GRID2: variants seen among roughly 807,000 people sequenced by gnomAD.
GRID2 encodes the protein glutamate receptor ionotropic, delta-2.
In GRID2, 33 loss-of-function variants were observed where a neutral mutation model predicts 114.8. The observed-to-expected ratio is 0.29, with a 90% CI of 0.22 to 0.38. GRID2 has a LOEUF of 0.38. GRID2 is among the 10% of genes least tolerant of loss of function. The pLI is 1.00. For synonymous variants in GRID2, 505 were observed against 449.9 expected, an observed-to-expected ratio of 1.12 and a Z score of -1.55; for missense variants, 1,184 against 1,257.7, an observed-to-expected ratio of 0.94 and a Z score of 0.89.
intron 1 of GRID2, among the ~76,000 whole-genome samples, chr4:92,581,476 C>T (rs1279762462): frequency 6.6e-6 from 1 of 152,024 alleles, no homozygotes; most frequent in Non-Finnish European, 1.5e-5. Context: ...TCAGACTTTT[C>T]CAGTGATAGT....
At chr4:93,722,910 A>G (rs1729509181) in intron 14 of GRID2, among the ~76,000 whole-genome samples, 2 of 152,208 alleles carry the variant, frequency 1.3e-5, no homozygotes, top group African/African-American at 4.8e-5. Flanking sequence ...AAAATTCTAA[A>G]CTTCTTCCAA....
At chr4:93,726,887 T>G (rs1729956214) in intron 14 of GRID2, among the ~76,000 whole-genome samples, 1 of 152,242 alleles carries the variant, frequency 6.6e-6, no homozygotes. Context: ...GATTTTGGGC[T>G]GAGACGATGG....
intron 14 of GRID2, among the ~76,000 whole-genome samples, chr4:93,677,564 GC>G (rs1401327991): frequency 6.6e-6 from 1 of 152,074 alleles, no homozygotes; most frequent in East Asian, 1.9e-4. Context: ...GCACGGCCGG[GC>G]ACTCCTCTGA....
At chr4:92,990,281 G>GTATATATATATATATATA (rs1424772351) in intron 2 of GRID2, among the ~76,000 whole-genome samples, 1 of 50,170 alleles carries the variant, frequency 2.0e-5, no homozygotes, top group African/African-American at 5.9e-5. Context: ...ACGTAGATAT[G>GTATATATATATATATATA]TGTGTGTATA....
rs150078037 is a variant in GRID2, at chr4:92,764,229, A to C, written c.244+173943A>C. ...CATGGTTGGAGGGAGGCTGGCAAAC[A>C]CATTCTTTAACCTAGCCATTTGTTT... On this transcript the variant is annotated intron_variant, in intron 2 of 15. Coordinates refer to ENST00000282020, the MANE Select transcript of GRID2 (RefSeq NM_001510.4). 1.7e-4 allele frequency among the ~76,000 whole-genome samples: 26 copies of C among 152,304 alleles called. No homozygotes were observed. In the East Asian group the frequency reaches 4.8e-3, roughly 28 times the overall value.
intron 8 of GRID2, among the ~76,000 whole-genome samples, chr4:93,328,562 A>T (rs1369262604): frequency 6.6e-6 from 1 of 152,186 alleles, no homozygotes; most frequent in East Asian, 1.9e-4. Flanking sequence ...CACAATCTAA[A>T]GCTATTACAT....
At chr4:92,901,328 G>A (rs1407804834) in intron 2 of GRID2, among the ~76,000 whole-genome samples, 5 of 152,122 alleles carry the variant, frequency 3.3e-5, no homozygotes, top group Non-Finnish European at 5.9e-5. Flanking sequence ...ATGGTAAGTG[G>A]TGCTGAGCAA....
chr4:92,586,938 C>T (rs888977066), intron 1 of GRID2, among the ~76,000 whole-genome samples: 1 of 151,698 alleles, frequency 6.6e-6, no homozygotes, highest in Non-Finnish European at 1.5e-5. Context: ...TTTATTTCTC[C>T]CCCCATAAAA....
At chr4:92,709,512 T>A (rs1735118379) in intron 2 of GRID2, among the ~76,000 whole-genome samples, 1 of 149,630 alleles carries the variant, frequency 6.7e-6, no homozygotes, top group Non-Finnish European at 1.5e-5. Flanking sequence ...AACGTTTGTG[T>A]CTGGCAAGTA....
chr4:93,768,968 G>A (rs764618028), intron 14 of GRID2, among the ~76,000 whole-genome samples: 1 of 142,788 alleles, frequency 7.0e-6, no homozygotes, highest in Non-Finnish European at 1.5e-5. Context: ...AAGGAGAGAG[G>A]AAGATGGGAG....
At chr4:93,573,096 AAG>A (rs1736083821) in intron 13 of GRID2, among the ~76,000 whole-genome samples, 2 of 152,164 alleles carry the variant, frequency 1.3e-5, no homozygotes, top group Non-Finnish European at 2.9e-5. Context: ...GACAGAGAGA[AAG>A]AGAGAATATA....
At chr4:93,159,171 A>G (rs1737450395) in intron 4 of GRID2, among the ~76,000 whole-genome samples, 1 of 151,758 alleles carries the variant, frequency 6.6e-6, no homozygotes, top group African/African-American at 2.4e-5. Context: ...GTGGAAAAGA[A>G]TGAAATGGCT....
intron 3 of GRID2, among the ~76,000 whole-genome samples, chr4:93,094,752 T>G (rs1173522783): frequency 1.3e-5 from 2 of 151,926 alleles, no homozygotes; most frequent in Non-Finnish European, 2.9e-5. Context: ...CTAATTAGTA[T>G]CTATGTAGAA....
intron 8 of GRID2, among the ~76,000 whole-genome samples, chr4:93,279,552 A>G (rs1177010276): frequency 6.6e-6 from 1 of 152,000 alleles, no homozygotes; most frequent in Non-Finnish European, 1.5e-5. Context: ...TATAAATTGG[A>G]AGAACTCAGG....
intron 8 of GRID2, among the ~76,000 whole-genome samples, chr4:93,368,979 TG>T (rs987501134): frequency 6.6e-6 from 1 of 152,232 alleles, no homozygotes; most frequent in African/African-American, 2.4e-5. Context: ...GCACTATTTT[TG>T]GTTTTGTGAG....
At chr4:92,534,760 T>G (rs1725525944) in intron 1 of GRID2, among the ~76,000 whole-genome samples, 1 of 152,148 alleles carries the variant, frequency 6.6e-6, no homozygotes, top group Non-Finnish European at 1.5e-5. Flanking sequence ...AAAGCAGTAT[T>G]TATCACTGGC....
intron 2 of GRID2, among the ~76,000 whole-genome samples, chr4:92,642,957 C>G (rs951043729): frequency 1.6e-4 from 24 of 151,512 alleles, no homozygotes; most frequent in African/African-American, 5.8e-4. Flanking sequence ...ATCTATTGAT[C>G]TGTTTGTTTT....
intron 2 of GRID2, among the ~76,000 whole-genome samples, chr4:93,043,313 C>T (rs984498619): frequency 2.0e-5 from 3 of 152,014 alleles, no homozygotes; most frequent in Non-Finnish European, 2.9e-5. Context: ...TTTTAGATAC[C>T]ATTAACATAT....
chr4:92,320,506 A>G (rs533842690), intron 1 of GRID2, among the ~76,000 whole-genome samples: 1 of 151,866 alleles, frequency 6.6e-6, no homozygotes, highest in African/African-American at 2.4e-5. Context: ...ACAGAGTCTC[A>G]CTCTGTTGCC....
Sources: allele counts gnomAD v4.1 joint callset (sites outside exome capture counted in the v4.1 genomes callset), GRCh38; gene constraint gnomAD v4.1.1; transcripts MANE v1.5; gene names NCBI Gene and HGNC (gene_info 2026-07-23, HGNC 2026-07-21).